CAMKMT: variants seen among roughly 807,000 people sequenced by gnomAD.
CAMKMT encodes CaM KMT.
Under a neutral mutation model 48.0 loss-of-function variants are expected in CAMKMT, and 53 were observed. That is an observed-to-expected ratio of 1.10 (90% CI 0.89 to 1.39). CAMKMT has a LOEUF of 1.39. Among genes scored for constraint, CAMKMT ranks in the 40% most tolerant of loss-of-function variants. The probability of loss-of-function intolerance (pLI) is 0.00; values close to 1 mark genes in which losing one functional copy is unlikely to be tolerated. For missense variants in CAMKMT, 428 were observed against 402.7 expected (o/e 1.06, Z -0.54); for synonymous variants, 165 against 152.3 (o/e 1.08, Z -0.61).
At chr2:44,447,604 G>A (rs892610276) in intron 3 of CAMKMT, among the ~76,000 whole-genome samples, 4 of 152,172 alleles carry the variant, frequency 2.6e-5, no homozygotes, top group Non-Finnish European at 5.9e-5. Context: ...GTGCAACCTG[G>A]GATCAGTAAG....
At chr2:44,720,735 A>G (rs1678420692) in intron 7 of CAMKMT, among the ~76,000 whole-genome samples, 1 of 152,030 alleles carries the variant, frequency 6.6e-6, no homozygotes, top group African/African-American at 2.4e-5. Context: ...TATTTGTACA[A>G]CCCTACCAAA....
At chr2:44,580,751 T>C (rs1221985001) in intron 3 of CAMKMT, among the ~76,000 whole-genome samples, 1 of 152,306 alleles carries the variant, frequency 6.6e-6, no homozygotes, top group Non-Finnish European at 1.5e-5. Context: ...GTTGTTACAA[T>C]AGAAACAACA....
intron 10 of CAMKMT, among the ~76,000 whole-genome samples, chr2:44,767,413 G>T (rs975342609): frequency 1.3e-5 from 2 of 152,190 alleles, no homozygotes; most frequent in Non-Finnish European, 2.9e-5. Flanking sequence ...GGGACAATGT[G>T]AACAGCATCC....
intron 3 of CAMKMT, among the ~76,000 whole-genome samples, chr2:44,411,648 A>G (rs1331014303): frequency 1.3e-5 from 2 of 152,186 alleles, no homozygotes; most frequent in South Asian, 2.1e-4. Flanking sequence ...GAATATGCAA[A>G]TAAATACTGC....
intron 3 of CAMKMT, among the ~76,000 whole-genome samples, chr2:44,517,551 C>T (rs1670894624): frequency 6.6e-6 from 1 of 152,164 alleles, no homozygotes; most frequent in South Asian, 2.1e-4. Flanking sequence ...GGGAGTGGTG[C>T]TTCTTATTTT....
chr2:44,734,112 T>C (rs1017840191), intron 7 of CAMKMT, among the ~76,000 whole-genome samples: 1 of 151,994 alleles, frequency 6.6e-6, no homozygotes, highest in African/African-American at 2.4e-5. Context: ...TCTGGTCAAG[T>C]TTAACTTACT....
chr2:44,493,537 A>T (rs1669614558), intron 3 of CAMKMT, among the ~76,000 whole-genome samples: 1 of 152,176 alleles, frequency 6.6e-6, no homozygotes, highest in African/African-American at 2.4e-5. Context: ...ATTTGATAAT[A>T]ATGATTTTGC....
chr2:44,541,483 A>G (rs1037506), intron 3 of CAMKMT, among the ~76,000 whole-genome samples: 106,716 of 152,074 alleles, frequency 0.7, 38,023 homozygotes, highest in Middle Eastern at 0.77. Flanking sequence ...GTTATTATGT[A>G]TGTACAGTAT....
At chr2:44,700,694 AG>A (rs2104255149) in intron 3 of CAMKMT, among the ~76,000 whole-genome samples, 1 of 152,302 alleles carries the variant, frequency 6.6e-6, no homozygotes, top group African/African-American at 2.4e-5. Context: ...GTAACATCAA[AG>A]GTCATTGATC....
chr2:44,752,444 G>A (rs1395407595), intron 8 of CAMKMT, among the ~76,000 whole-genome samples: 1 of 152,144 alleles, frequency 6.6e-6, no homozygotes. Context: ...CCCTTCTGCA[G>A]AGGCTGGACA....
At chr2:44,563,496 T>A (rs1668438501) in intron 3 of CAMKMT, among the ~76,000 whole-genome samples, 2 of 151,430 alleles carry the variant, frequency 1.3e-5, no homozygotes, top group East Asian at 3.9e-4. Flanking sequence ...CCCCATACTT[T>A]AAGTTCTAGG....
At chr2:44,364,452 A>T (rs1678380580) in intron 1 of CAMKMT, among the ~76,000 whole-genome samples, 1 of 152,044 alleles carries the variant, frequency 6.6e-6, no homozygotes, top group Non-Finnish European at 1.5e-5. Context: ...TTATTTTATG[A>T]TCATGTGATC....
intron 3 of CAMKMT, among the ~76,000 whole-genome samples, chr2:44,667,481 C>T (rs1045232706): frequency 2.0e-5 from 3 of 152,242 alleles, no homozygotes; most frequent in Non-Finnish European, 4.4e-5. Flanking sequence ...TGCTATTATC[C>T]GCTAATGTTT....
chr2:44,451,510 T>A (rs1667286184), intron 3 of CAMKMT, among the ~76,000 whole-genome samples: 1 of 151,978 alleles, frequency 6.6e-6, no homozygotes, highest in South Asian at 2.1e-4. Flanking sequence ...ATAGAATTAA[T>A]TTAGATTCAG....
In CAMKMT at chr2:44,756,529, C is replaced by G. The variant is rs940825741; in HGVS notation, c.762+2411C>G. 2.0e-5 allele frequency among the ~76,000 whole-genome samples: 3 copies of G among 151,996 alleles called. No homozygotes were observed. The East Asian group carries it at 5.8e-4, about 29-fold the overall frequency. The stretch of plus-strand genomic sequence containing the variant: ...GGCCGAGGCGGGCGGATCACAAGGT[C>G]AGGAGATCGAGACCATCCTGGCTAA... On this transcript the variant is annotated intron_variant, in intron 9 of 10. Coordinates refer to ENST00000378494, the MANE Select transcript of CAMKMT (RefSeq NM_024766.5).
chr2:44,462,206 AAAT>A (rs907332547), intron 3 of CAMKMT, among the ~76,000 whole-genome samples: 25 of 152,332 alleles, frequency 1.6e-4, no homozygotes, highest in Admixed American at 3.3e-4. Flanking sequence ...TAGAAAATTC[AAAT>A]AATAAAGAAA....
intron 3 of CAMKMT, among the ~76,000 whole-genome samples, chr2:44,487,565 T>A (rs890790604): frequency 6.6e-6 from 1 of 152,222 alleles, no homozygotes; most frequent in African/African-American, 2.4e-5. Flanking sequence ...ATACTACAAA[T>A]ATAAACTGTT....
At chr2:44,567,866 G>GTCAT (rs1191486899) in intron 3 of CAMKMT, among the ~76,000 whole-genome samples, 7 of 152,178 alleles carry the variant, frequency 4.6e-5, no homozygotes, top group Non-Finnish European at 1.0e-4. Context: ...TGGATCGAGA[G>GTCAT]TCATTCATTC....
intron 3 of CAMKMT, among the ~76,000 whole-genome samples, chr2:44,431,452 G>A (rs534825575): frequency 6.6e-6 from 1 of 152,082 alleles, no homozygotes. Context: ...GTGCTAACTG[G>A]TTAGTTCCTT....
Sources: gnomAD v4.1 joint callset for allele counts (sites outside exome capture counted in the v4.1 genomes callset) on GRCh38, gnomAD v4.1.1 for gene constraint, MANE v1.5 for transcripts, NCBI Gene and HGNC (gene_info 2026-07-23, HGNC 2026-07-21) for gene names.